The following CNTNAP2 variants were observed in gnomAD, a reference collection of about 807,000 sequenced individuals.
CNTNAP2 encodes the protein contactin associated protein 2, also known as contactin-associated protein-like 2.
In CNTNAP2, 98 loss-of-function variants were observed where a neutral mutation model predicts 155.2. That is an observed-to-expected ratio of 0.63 (90% CI 0.54 to 0.75). The LOEUF (loss-of-function observed/expected upper bound fraction) is 0.75, where lower values mean the gene tolerates loss of function less well. Among genes scored for constraint, CNTNAP2 ranks in the 30% least tolerant of loss-of-function variants. The pLI, the probability that CNTNAP2 is intolerant of heterozygous loss-of-function variation, is 0.00. For missense variants in CNTNAP2, 1,727 were observed against 1,688.1 expected, an observed-to-expected ratio of 1.02 and a Z score of -0.40; for synonymous variants, 651 against 631.2, an observed-to-expected ratio of 1.03 and a Z score of -0.47.
At position 147,237,049 on chromosome 7, in the gene CNTNAP2, C is replaced by CTTTTTTTTTTTTTTTTTTTTTTTTTTTT. The variant is rs548220734; in HGVS notation, c.1349-63083_1349-63056dup. 1.7e-4 allele frequency among the ~76,000 whole-genome samples: 10 copies of CTTTTTTTTTTTTTTTTTTTTTTTTTTTT among 57,484 alleles called. 2 individuals carry two copies. Among genetic ancestry groups the CTTTTTTTTTTTTTTTTTTTTTTTTTTTT allele is most frequent in the Non-Finnish European group, 2.4e-4 (7 of 29,594 alleles). 37.7% of individuals were successfully genotyped at this position (57,484 alleles called of 152,430 possible). A position where few individuals can be genotyped will look rare whatever the true frequency, so the allele number is the denominator to read the frequency against. On this transcript the variant is annotated intron_variant, in intron 8 of 23. Transcript: ENST00000361727. ...CCACTTCCTTTAGCCTTCACCTCCT[C>CTTTTTTTTTTTTTTTTTTTTTTTTTTTT]TTTTTTTTTTTTTTTTTTTTTTTTT... is the stretch of plus-strand genomic sequence containing the variant.
intron 1 of CNTNAP2, among the ~76,000 whole-genome samples, chr7:146,667,949 T>C (rs1212677851): frequency 1.3e-5 from 2 of 152,122 alleles, no homozygotes; most frequent in Non-Finnish European, 2.9e-5. Flanking sequence ...TTCATTTGAA[T>C]GTGGATGCCC....
chr7:147,940,152 G>T (rs984450134), intron 14 of CNTNAP2: 1 of 151,804 alleles, frequency 6.6e-6, no homozygotes, highest in Non-Finnish European at 1.5e-5. Context: ...TAATTCCTGG[G>T]AGCGGGAATC....
At chr7:147,599,334 T>TA (rs892309372) in intron 12 of CNTNAP2, among the ~76,000 whole-genome samples, 71 of 146,222 alleles carry the variant, frequency 4.9e-4, no homozygotes, top group East Asian at 1.6e-3. Flanking sequence ...AAATAAAAAT[T>TA]AAAAAAAAAA....
intron 1 of CNTNAP2, among the ~76,000 whole-genome samples, chr7:146,502,275 A>G (rs1221046288): frequency 8.5e-6 from 1 of 118,168 alleles, no homozygotes; most frequent in African/African-American, 2.9e-5. Context: ...TATTTTCTTT[A>G]TCCATTCATC....
In CNTNAP2 at chr7:146,638,479, T is replaced by TC. The variant is rs71165023; in HGVS notation, c.98-135792_98-135791insC. On this transcript the variant is annotated intron_variant, in intron 1 of 23. Coordinates refer to ENST00000361727, the MANE Select transcript of CNTNAP2 (RefSeq NM_014141.6). Reference sequence around the variant, plus strand: ...AGTTTAATACAGTCAGGTGTTTCTTTTTTTTTTTTTTTTTTTTTTCTTTGA... The same window carrying TC: ...AGTTTAATACAGTCAGGTGTTTCTTTCTTTTTTTTTTTTTTTTTTTCTTTGA... Among the ~76,000 whole-genome samples the TC allele has an allele frequency of 1.0e-3, 79 of 78,282 alleles. 1 individual carries two copies. The highest frequency in any genetic ancestry group is 3.2e-3 in the South Asian group (5 of 1,576). 51.4% of individuals were successfully genotyped at this position (78,282 alleles called of 152,430 possible). A position where few individuals can be genotyped will look rare whatever the true frequency, so the allele number is the denominator to read the frequency against.
intron 1 of CNTNAP2, among the ~76,000 whole-genome samples, chr7:146,231,042 A>AGAAG (rs76111973): frequency 1.3e-5 from 2 of 150,486 alleles, no homozygotes; most frequent in East Asian, 2.0e-4. Flanking sequence ...AAATAAATAA[A>AGAAG]AAGTTAATAT....
intron 1 of CNTNAP2, among the ~76,000 whole-genome samples, chr7:146,648,493 T>C (rs559666893): frequency 2.1e-4 from 32 of 152,160 alleles, no homozygotes; most frequent in Non-Finnish European, 4.4e-4. Flanking sequence ...TTTTTTATTA[T>C]GCAATACTTC....
intron 13 of CNTNAP2, among the ~76,000 whole-genome samples, chr7:147,739,037 A>C (rs1456917927): frequency 6.6e-6 from 1 of 152,106 alleles, no homozygotes; most frequent in African/African-American, 2.4e-5. Context: ...GGCAGTCTTG[A>C]ACCAAGTGTA....
intron 1 of CNTNAP2, among the ~76,000 whole-genome samples, chr7:146,309,325 T>C (rs1231720758): frequency 1.3e-5 from 2 of 151,954 alleles, no homozygotes; most frequent in African/African-American, 4.8e-5. Context: ...GAAGAAGGGG[T>C]CTCTGTTAGG....
At chr7:146,429,701 A>G (rs1284847772) in intron 1 of CNTNAP2, among the ~76,000 whole-genome samples, 1 of 152,094 alleles carries the variant, frequency 6.6e-6, no homozygotes, top group Non-Finnish European at 1.5e-5. Flanking sequence ...TTCTCTTCCT[A>G]TGTGAATATG....
At chr7:148,332,931 A>G (rs1798057036) in intron 21 of CNTNAP2, among the ~76,000 whole-genome samples, 1 of 152,214 alleles carries the variant, frequency 6.6e-6, no homozygotes, top group Non-Finnish European at 1.5e-5. Context: ...CCTATGAGCA[A>G]CTTTGTAAGA....
intron 12 of CNTNAP2, among the ~76,000 whole-genome samples, chr7:147,593,287 C>A (rs1800773363): frequency 6.8e-6 from 1 of 147,028 alleles, no homozygotes; most frequent in Non-Finnish European, 1.5e-5. Context: ...ATGGAAGGAA[C>A]CTTACTGATC....
chr7:146,450,246 T>C (rs1016385610), intron 1 of CNTNAP2, among the ~76,000 whole-genome samples: 1 of 152,238 alleles, frequency 6.6e-6, no homozygotes, highest in Non-Finnish European at 1.5e-5. Flanking sequence ...GCTGTATTAA[T>C]ACTTTGTGTT....
chr7:148,070,435 G>T (rs963934395), intron 15 of CNTNAP2, among the ~76,000 whole-genome samples: 30 of 152,162 alleles, frequency 2.0e-4, no homozygotes, highest in Non-Finnish European at 3.8e-4. Context: ...AAACAGTTTT[G>T]GGCTGGGCAC....
chr7:148,397,620 A>T (rs559043618), intron 22 of CNTNAP2, among the ~76,000 whole-genome samples: 10 of 152,362 alleles, frequency 6.6e-5, no homozygotes, highest in Non-Finnish European at 1.2e-4. Flanking sequence ...CCTTTTCGAC[A>T]GGGAATAAAT....
At chr7:147,270,741 T>G (rs1804727546) in intron 8 of CNTNAP2, among the ~76,000 whole-genome samples, 1 of 152,206 alleles carries the variant, frequency 6.6e-6, no homozygotes, top group African/African-American at 2.4e-5. Flanking sequence ...TTATACATTG[T>G]TTCTGCTTCT....
At chr7:146,670,884 T>A (rs1159593821) in intron 1 of CNTNAP2, among the ~76,000 whole-genome samples, 1 of 152,226 alleles carries the variant, frequency 6.6e-6, no homozygotes, top group Non-Finnish European at 1.5e-5. Context: ...CTAAGATCCC[T>A]GTCTTATTCA....
At chr7:146,705,156 TTAGGA>T (rs1213682851) in intron 1 of CNTNAP2, among the ~76,000 whole-genome samples, 3 of 152,114 alleles carry the variant, frequency 2.0e-5, no homozygotes, top group Admixed American at 2.0e-4. Context: ...TAAAAAGTGT[TTAGGA>T]TGAGATGTTG....
At chr7:146,766,451 A>G (rs1321243043) in intron 1 of CNTNAP2, among the ~76,000 whole-genome samples, 1 of 152,154 alleles carries the variant, frequency 6.6e-6, no homozygotes, top group Non-Finnish European at 1.5e-5. Context: ...CAATTTCAAT[A>G]TTATTAGGTC....
Sources: gnomAD v4.1 joint callset for allele counts (sites outside exome capture counted in the v4.1 genomes callset) on GRCh38, gnomAD v4.1.1 for gene constraint, MANE v1.5 for transcripts, NCBI Gene and HGNC (gene_info 2026-07-23, HGNC 2026-07-21) for gene names.